Variants in DPH6 observed in about 807,000 individuals in gnomAD.
DPH6 encodes diphthamine biosynthesis 6.
In DPH6, 33 loss-of-function variants were observed where a neutral mutation model predicts 38.2. That is an observed-to-expected ratio of 0.86 (90% CI 0.65 to 1.15). DPH6 has a LOEUF of 1.15. Ranked by LOEUF, DPH6 falls within the 50% of genes most tolerant of loss-of-function variation. The pLI, the probability that DPH6 is intolerant of heterozygous loss-of-function variation, is 0.00. For synonymous variants in DPH6, 108 were observed against 103.0 expected, an observed-to-expected ratio of 1.05 and a Z score of -0.30; for missense variants, 325 against 320.0, an observed-to-expected ratio of 1.02 and a Z score of -0.12.
chr15:35,327,593 C>A (rs1046769026), downstream of DPH6, among the ~76,000 whole-genome samples: 1 of 152,090 alleles, frequency 6.6e-6, no homozygotes, highest in African/African-American at 2.4e-5. Context: ...GATCTGCCCA[C>A]CTCGGCCTCC....
intron 3 of DPH6, among the ~76,000 whole-genome samples, chr15:35,272,898 C>A (rs889658574): frequency 1.3e-5 from 2 of 151,444 alleles, no homozygotes; most frequent in Admixed American, 6.6e-5. Flanking sequence ...CAGAGCGAGA[C>A]CCCATCTAAA....
chr15:35,418,301 GATT>G lies in DPH6; in HGVS notation c.506-7408_506-7406del, dbSNP rs1382346747. On this transcript the variant is annotated intron_variant, in intron 5 of 8. Transcript: ENST00000256538. ...ATCAAGAAATATCAATATTAATGAA[GATT>G]ATAATCCATAGGATCCATGATGATG... Among the ~76,000 whole-genome samples the G allele has an allele frequency of 2.0e-5, 3 of 152,174 alleles. No homozygotes were observed. The East Asian group carries it at 5.8e-4, about 29-fold the overall frequency.
intron 3 of DPH6, among the ~76,000 whole-genome samples, chr15:35,301,374 C>G (rs1012699979): frequency 2.0e-5 from 3 of 152,152 alleles, no homozygotes; most frequent in Non-Finnish European, 4.4e-5. Flanking sequence ...CAATATCTGG[C>G]TTTATTTAGC....
the DPH6 span, among the ~76,000 whole-genome samples, chr15:35,210,699 C>T: frequency 6.6e-6 from 1 of 151,978 alleles, no homozygotes; most frequent in Non-Finnish European, 1.5e-5. Flanking sequence ...ATTAATTGGA[C>T]ACAGATCTTA....
At chr15:35,531,989 A>G (rs541671857) in intron 3 of DPH6, among the ~76,000 whole-genome samples, 16 of 152,306 alleles carry the variant, frequency 1.1e-4, no homozygotes, top group African/African-American at 3.8e-4. Context: ...ACAAGCTGCC[A>G]TGGAACAGAA....
chr15:35,402,026 A>T (rs2053226989), intron 6 of DPH6, among the ~76,000 whole-genome samples: 1 of 152,188 alleles, frequency 6.6e-6, no homozygotes, highest in Admixed American at 6.5e-5. Context: ...AAGGGTATCA[A>T]TGTAGATGTT....
At chr15:35,518,526 C>A (rs1173936685) in intron 3 of DPH6, among the ~76,000 whole-genome samples, 1 of 151,946 alleles carries the variant, frequency 6.6e-6, no homozygotes, top group African/African-American at 2.4e-5. Flanking sequence ...AGTTTTCACA[C>A]ATTGCTAAAT....
chr15:35,169,440 A>G, the DPH6 span, among the ~76,000 whole-genome samples: 1 of 152,184 alleles, frequency 6.6e-6, no homozygotes, highest in Non-Finnish European at 1.5e-5. Flanking sequence ...CACTGAATTT[A>G]TTAGTATAGT....
chr15:35,478,735 T>C (rs942664959), intron 3 of DPH6, among the ~76,000 whole-genome samples: 3 of 152,004 alleles, frequency 2.0e-5, no homozygotes, highest in African/African-American at 4.8e-5. Context: ...TGAGCACCAA[T>C]AGTCATTTGC....
At chr15:35,255,017 T>C (rs2051698207) in intron 3 of DPH6, among the ~76,000 whole-genome samples, 1 of 152,182 alleles carries the variant, frequency 6.6e-6, no homozygotes, top group African/African-American at 2.4e-5. Context: ...TTTACTTCTT[T>C]TGTGGATCTT....
chr15:35,180,938 A>T, the DPH6 span, among the ~76,000 whole-genome samples: 1 of 152,362 alleles, frequency 6.6e-6, no homozygotes, highest in African/African-American at 2.4e-5. Flanking sequence ...CCATTAAAAA[A>T]GGCAATATAA....
chr15:35,395,164 T>C (rs2053114882), intron 6 of DPH6, among the ~76,000 whole-genome samples: 1 of 152,216 alleles, frequency 6.6e-6, no homozygotes. Flanking sequence ...TTCAATTTTT[T>C]CTTTTCTAGC....
At chr15:35,298,621 G>C in intron 3 of DPH6, 1 of 936,834 alleles carries the variant, frequency 1.1e-6, no homozygotes, top group Non-Finnish European at 1.8e-6. Flanking sequence ...CACCCACGAT[G>C]ATCTTGCCAC....
chr15:35,520,469 T>C, intron 3 of DPH6: 1 of 984,110 alleles, frequency 1.0e-6, no homozygotes, highest in Non-Finnish European at 1.2e-6. Flanking sequence ...ATATTTTCTA[T>C]TCTCTCACAT....
At chr15:35,521,669 T>C in intron 3 of DPH6, 1 of 1,230,710 alleles carries the variant, frequency 8.1e-7, no homozygotes, top group Admixed American at 4.2e-5. Flanking sequence ...AACTAGATAT[T>C]TTAGTTTACT....
Position 35,244,401 on chromosome 15 carries a change from A to G in DPH6, n.201-23819T>C, listed in dbSNP as rs575843771. Among the ~76,000 whole-genome samples, 11 of 152,270 alleles carry G rather than the reference A, an allele frequency of 7.2e-5. No individual in the cohort carries two copies. In the South Asian group the frequency reaches 2.1e-3, roughly 29 times the overall value. ...CTGGAGGGAGCTTCCTGAATGATTGATTGGTGTGGTGTCCCCTGGACACTC... is the reference window on the plus strand; with the variant it reads ...CTGGAGGGAGCTTCCTGAATGATTGGTTGGTGTGGTGTCCCCTGGACACTC... On this transcript the variant is annotated intron_variant and non_coding_transcript_variant, in intron 3 of 3. Coordinates refer to the DPH6 transcript ENST00000560386.
chr15:35,244,720 G>C (rs1044868325), intron 3 of DPH6, among the ~76,000 whole-genome samples: 2 of 152,184 alleles, frequency 1.3e-5, no homozygotes, highest in African/African-American at 4.8e-5. Flanking sequence ...GATTGTGAAA[G>C]AAGAAAACTT....
intron 3 of DPH6, among the ~76,000 whole-genome samples, chr15:35,304,127 T>A (rs1270790738): frequency 6.6e-6 from 1 of 152,140 alleles, no homozygotes; most frequent in Non-Finnish European, 1.5e-5. Context: ...ATGATATATT[T>A]ATCTGATTAT....
At chr15:35,388,653 T>C (rs1267766844) in intron 6 of DPH6, among the ~76,000 whole-genome samples, 3 of 152,212 alleles carry the variant, frequency 2.0e-5, no homozygotes, top group African/African-American at 4.8e-5. Context: ...TATTCTCTGA[T>C]GGTAGTTTGT....
Sources: allele counts gnomAD v4.1 joint callset (sites outside exome capture counted in the v4.1 genomes callset), GRCh38; gene constraint gnomAD v4.1.1; transcripts MANE v1.5; gene names NCBI Gene and HGNC (gene_info 2026-07-23, HGNC 2026-07-21).